Variants in OR1J2 observed in about 807,000 individuals in gnomAD.
OR1J2 encodes the protein olfactory receptor 1J2.
For synonymous variants in OR1J2, 142 were observed against 99.7 expected (o/e 1.42, Z -2.52); for missense variants, 304 against 246.1 (o/e 1.24, Z -1.57).
the OR1J2 span, chr9:122,519,295 A>G: frequency 6.2e-7 from 1 of 1,612,976 alleles, no homozygotes; most frequent in Non-Finnish European, 8.5e-7. Context: ...ATCCGGCTGG[A>G]CTCTCACCTT....
the OR1J2 span, among the ~76,000 whole-genome samples, chr9:122,552,749 A>AGTGTGTGTGTGTGTGTGTGT: frequency 9.2e-4 from 120 of 129,752 alleles, 1 homozygote; most frequent in South Asian, 1.7e-3. Context: ...AGAGGGCTTG[A>AGTGTGTGTGTGTGTGTGTGT]GTGTGTGTGT....
rs1397964047 is a variant in OR1J2, at chr9:122,511,002, T to C, written c.201T>C (p.Ala67=). ...TGTACTTCTTCCTCAGCCACTTGGCTCTCACTGACATCTCCTTTTCATCTG... is the reference window on the plus strand; with the variant it reads ...TGTACTTCTTCCTCAGCCACTTGGCCCTCACTGACATCTCCTTTTCATCTG... ...TPMYFFLSHL[A]LTDISFSSVT... The change falls in exon 1 of 1, where the codon GCT becomes GCC. Residue 67 remains alanine, a synonymous_variant. Coordinates refer to ENST00000335302, the MANE Select transcript of OR1J2 (RefSeq NM_054107.1). 9 of 1,606,462 alleles carry C rather than the reference T, an allele frequency of 5.6e-6. No individual in the cohort carries two copies. The highest frequency in any genetic ancestry group is 3.3e-5 in the Admixed American group (2 of 59,908).
the OR1J2 span, among the ~76,000 whole-genome samples, chr9:122,455,176 A>C: frequency 6.6e-6 from 1 of 152,184 alleles, no homozygotes; most frequent in Admixed American, 6.5e-5. Flanking sequence ...TGCTGGTACG[A>C]ACATTTGGAT....
the OR1J2 span, among the ~76,000 whole-genome samples, chr9:122,498,849 C>T: frequency 6.6e-3 from 1,008 of 152,222 alleles, 4 homozygotes; most frequent in Middle Eastern, 0.014. Flanking sequence ...TCCCTTTTCT[C>T]CTCTCCCCAT....
chr9:122,515,352 TTGTG>T (rs10651846), downstream of OR1J2, among the ~76,000 whole-genome samples: 138 of 135,798 alleles, frequency 1.0e-3, no homozygotes, highest in African/African-American at 1.8e-3. Flanking sequence ...CAGGAGCAGG[TTGTG>T]TGTGTGTGTG....
chr9:122,464,395 T>C, the OR1J2 span, among the ~76,000 whole-genome samples: 1 of 152,208 alleles, frequency 6.6e-6, no homozygotes, highest in Admixed American at 6.5e-5. Flanking sequence ...GCCTCTCAGC[T>C]GAGAAAGCAA....
the OR1J2 span, among the ~76,000 whole-genome samples, chr9:122,541,984 C>T: frequency 2.0e-5 from 3 of 152,204 alleles, 1 homozygote; most frequent in South Asian, 6.2e-4. Flanking sequence ...CCTCTTGCCC[C>T]TTCTGAGGCA....
chr9:122,457,113 A>G, the OR1J2 span, among the ~76,000 whole-genome samples: 7 of 152,168 alleles, frequency 4.6e-5, no homozygotes, highest in African/African-American at 1.7e-4. Flanking sequence ...GCAAACTAAC[A>G]CAGGAACAGA....
chr9:122,499,492 C>A, the OR1J2 span, among the ~76,000 whole-genome samples: 1 of 151,818 alleles, frequency 6.6e-6, no homozygotes, highest in Non-Finnish European at 1.5e-5. Flanking sequence ...TCAGAGAGAG[C>A]CCCTGTGCAC....
upstream of OR1J2, among the ~76,000 whole-genome samples, chr9:122,508,987 G>A (rs1025723306): frequency 6.4e-4 from 97 of 151,996 alleles, no homozygotes; most frequent in African/African-American, 2.2e-3. Flanking sequence ...CCCTTCCTTC[G>A]TCCTCTGAGC....
the OR1J2 span, among the ~76,000 whole-genome samples, chr9:122,482,332 C>T: frequency 6.6e-6 from 1 of 151,974 alleles, no homozygotes; most frequent in African/African-American, 2.4e-5. Context: ...TGACCTCACC[C>T]CAAATAGAAT....
At chr9:122,510,451 T>A (rs1318430859), upstream of OR1J2, among the ~76,000 whole-genome samples, 1 of 152,036 alleles carries the variant, frequency 6.6e-6, no homozygotes, top group Non-Finnish European at 1.5e-5. Flanking sequence ...AGGAAAAATA[T>A]GAGAAGCAGG....
the OR1J2 span, among the ~76,000 whole-genome samples, chr9:122,539,349 G>A: frequency 6.6e-6 from 1 of 151,940 alleles, no homozygotes; most frequent in Non-Finnish European, 1.5e-5. Flanking sequence ...CCACCTATGA[G>A]TGAGAACATG....
the OR1J2 span, among the ~76,000 whole-genome samples, chr9:122,547,083 A>G: frequency 6.6e-6 from 1 of 150,962 alleles, no homozygotes; most frequent in African/African-American, 2.4e-5. Flanking sequence ...AATTTTTTTA[A>G]AAAGAATATT....
chr9:122,540,680 G>A, the OR1J2 span, among the ~76,000 whole-genome samples: 2 of 152,158 alleles, frequency 1.3e-5, no homozygotes, highest in Admixed American at 6.5e-5. Flanking sequence ...GATGGGGATG[G>A]CATTGAATCT....
At chr9:122,526,465 T>C in the OR1J2 span, 1 of 1,559,002 alleles carries the variant, frequency 6.4e-7, no homozygotes, top group Non-Finnish European at 8.7e-7. Context: ...GTCACTATGG[T>C]GTACATTGCA....
At chr9:122,527,103 AG>A in the OR1J2 span, 1 of 1,614,220 alleles carries the variant, frequency 6.2e-7, no homozygotes, top group Non-Finnish European at 8.5e-7. Context: ...AACAAAAGAC[AG>A]GTTGGCCAAG....
At chr9:122,519,872 C>A in the OR1J2 span, 1 of 1,614,192 alleles carries the variant, frequency 6.2e-7, no homozygotes, top group Non-Finnish European at 8.5e-7. Flanking sequence ...GTGGCTCTCA[C>A]CTCTCTGTGG....
At chr9:122,519,230 G>C in the OR1J2 span, 2 of 1,614,026 alleles carry the variant, frequency 1.2e-6, no homozygotes, top group South Asian at 2.2e-5. Context: ...TCTTCACCCT[G>C]TTCTTGGGCA....
Sources: gnomAD v4.1 joint callset for allele counts (sites outside exome capture counted in the v4.1 genomes callset) on GRCh38, gnomAD v4.1.1 for gene constraint, MANE v1.5 for transcripts, NCBI Gene and HGNC (gene_info 2026-07-23, HGNC 2026-07-21) for gene names.